Variants in YAP1 observed in about 807,000 individuals in gnomAD.
The protein encoded by YAP1 is transcriptional coactivator YAP1.
A neutral mutation model predicts 56.9 loss-of-function variants in YAP1; 5 were observed. That is an observed-to-expected ratio of 0.09 (90% CI 0.05 to 0.18). The LOEUF (loss-of-function observed/expected upper bound fraction) is 0.18. Ranked by LOEUF, YAP1 falls within the 10% of genes least tolerant of loss-of-function variation. YAP1 has a pLI of 1.00. For missense variants in YAP1, 539 were observed against 651.8 expected, an observed-to-expected ratio of 0.83 and a Z score of 1.88; for synonymous variants, 265 against 248.1, an observed-to-expected ratio of 1.07 and a Z score of -0.64.
At position 102,229,813 on chromosome 11, in the gene YAP1, T is replaced by C; in HGVS notation, c.1388T>C (p.Met463Thr). Residue 463 changes from methionine (M) to threonine (T), a missense_variant, in exon 9 of 9, where the codon ATG (methionine) becomes ACG (threonine). Physicochemically the swap from Met to Thr is moderately conservative, Grantham distance 81. This residue lies in a region of YAP1 where 414 missense variants were observed against 512.4 expected (regional missense o/e 0.81). Coordinates refer to ENST00000282441, the MANE Select transcript of YAP1 (RefSeq NM_001130145.3). ...VDLGTLEGDG[M>T]NIEGEELMPS... ...CTTGGAACACTGGAAGGAGATGGAA[T>C]GAACATAGAAGGAGAGGAGCTGATG... 1 of 1,614,132 alleles carries C rather than the reference T, an allele frequency of 6.2e-7. No homozygotes were observed. Among genetic ancestry groups the C allele is most frequent in the Non-Finnish European group, 8.5e-7 (1 of 1,180,010 alleles).
intron 2 of YAP1, among the ~76,000 whole-genome samples, chr11:102,137,515 C>G (rs1944743787): frequency 6.6e-6 from 1 of 152,068 alleles, no homozygotes; most frequent in Non-Finnish European, 1.5e-5. Context: ...TACAAGTCTT[C>G]CAATTTTGCT....
At chr11:102,136,948 G>C (rs1002740555) in intron 2 of YAP1, among the ~76,000 whole-genome samples, 11 of 152,134 alleles carry the variant, frequency 7.2e-5, no homozygotes, top group African/African-American at 2.7e-4. Context: ...TGTCTTGGCT[G>C]TTCTTTGTTG....
At chr11:102,140,526 C>T (rs529454137) in intron 2 of YAP1, among the ~76,000 whole-genome samples, 2 of 152,228 alleles carry the variant, frequency 1.3e-5, no homozygotes, top group Admixed American at 6.5e-5. Flanking sequence ...TAAAGGATGT[C>T]CCCCAGATTA....
intron 2 of YAP1, among the ~76,000 whole-genome samples, chr11:102,151,036 T>G (rs1399657459): frequency 1.3e-5 from 2 of 151,726 alleles, no homozygotes; most frequent in Non-Finnish European, 2.9e-5. Flanking sequence ...CCTGACCCCG[T>G]GGTTGCTGGT....
At position 102,110,754 on chromosome 11, in the gene YAP1, C is replaced by G; in HGVS notation, c.-95C>G. On this transcript the variant is annotated 5_prime_UTR_variant, in exon 1 of 9. Coordinates refer to ENST00000282441, the MANE Select transcript of YAP1 (RefSeq NM_001130145.3). ...ACAGCGCCGCCCGGCCCGCAGCCGT[C>G]GCCGCTTCTCCACCTCGGCCCGTGG... is the stretch of plus-strand genomic sequence containing the variant. 8.7e-7 allele frequency: 1 copy of G among 1,146,544 alleles called. No individual in the cohort carries two copies. The highest frequency in any genetic ancestry group is 3.7e-5 in the East Asian group (1 of 26,924). The allele number at this position is 1,146,544 out of a possible 1,614,324, so 71.0% of individuals were successfully genotyped here.
At chr11:102,146,572 G>T (rs1203995809) in intron 2 of YAP1, among the ~76,000 whole-genome samples, 1 of 152,108 alleles carries the variant, frequency 6.6e-6, no homozygotes, top group Non-Finnish European at 1.5e-5. Flanking sequence ...TCTTTTTCCT[G>T]TAGCTCGTAC....
At chr11:102,135,293 G>A (rs1227014690) in intron 2 of YAP1, among the ~76,000 whole-genome samples, 1 of 151,998 alleles carries the variant, frequency 6.6e-6, no homozygotes. Context: ...TAAAACTTAC[G>A]GCTTAAAACA....
At chr11:102,165,672 A>G (rs967700858) in intron 3 of YAP1, among the ~76,000 whole-genome samples, 3 of 152,166 alleles carry the variant, frequency 2.0e-5, no homozygotes, top group African/African-American at 7.2e-5. Flanking sequence ...TAGTATAATA[A>G]TAATTCTTAT....
chr11:102,124,048 T>G (rs1474442304), intron 2 of YAP1, among the ~76,000 whole-genome samples: 2 of 151,264 alleles, frequency 1.3e-5, no homozygotes, highest in Admixed American at 6.6e-5. Context: ...GGCTCCCGGG[T>G]TCAAGCGATT....
intron 2 of YAP1, among the ~76,000 whole-genome samples, chr11:102,135,908 A>T (rs993102263): frequency 1.3e-5 from 2 of 152,148 alleles, no homozygotes; most frequent in Non-Finnish European, 2.9e-5. Context: ...GTATATTTTC[A>T]TAGCTGTGTG....
chr11:102,138,790 C>T (rs1478440508), intron 2 of YAP1, among the ~76,000 whole-genome samples: 6 of 152,080 alleles, frequency 3.9e-5, no homozygotes, highest in African/African-American at 7.2e-5. Flanking sequence ...AAGTTATGTA[C>T]GTGTATGTGG....
intron 3 of YAP1, among the ~76,000 whole-genome samples, chr11:102,163,130 G>A (rs184357874): frequency 3.3e-5 from 5 of 151,950 alleles, no homozygotes; most frequent in East Asian, 1.9e-4. Flanking sequence ...ATTATTAAAC[G>A]CATCTTCACC....
chr11:102,209,980 T>C (rs1591428824), intron 6 of YAP1, among the ~76,000 whole-genome samples: 1 of 152,022 alleles, frequency 6.6e-6, no homozygotes, highest in Admixed American at 6.6e-5. Flanking sequence ...AATTTTAGAG[T>C]CATGATACTA....
At position 102,110,667 on chromosome 11, in the gene YAP1, G is replaced by A. The variant is rs1004673880; in HGVS notation, c.-182G>A. 2 of 381,770 alleles carry A rather than the reference G, an allele frequency of 5.2e-6. No individual in the cohort carries two copies. Among genetic ancestry groups the A allele is most frequent in the African/African-American group, 2.2e-5 (1 of 46,462 alleles). 23.6% of individuals were successfully genotyped at this position (381,770 alleles called of 1,614,324 possible). A position where few individuals can be genotyped will look rare whatever the true frequency, so the allele number is the denominator to read the frequency against. ...AGTGGAGCCGGGGCGCAGGGCGGGGGCGGAGGCGCCGGGGCGGGGGATGCG... is the reference window on the plus strand; with the variant it reads ...AGTGGAGCCGGGGCGCAGGGCGGGGACGGAGGCGCCGGGGCGGGGGATGCG... On this transcript the variant is annotated 5_prime_UTR_variant, in exon 1 of 9. Transcript: ENST00000282441.
chr11:102,211,885 A>G (rs968712118), intron 6 of YAP1, among the ~76,000 whole-genome samples: 1 of 152,090 alleles, frequency 6.6e-6, no homozygotes, highest in African/African-American at 2.4e-5. Flanking sequence ...TTGTGTTTTT[A>G]GTAGAGACGG....
At position 102,232,813 on chromosome 11, in the gene YAP1, T is replaced by A. The variant is rs1362598843; in HGVS notation, c.*2873T>A. The A allele has an allele frequency of 6.6e-6, 1 of 152,652 alleles. No homozygotes were observed. The highest frequency in any genetic ancestry group is 1.5e-5 in the Non-Finnish European group (1 of 68,042). The allele number at this position is 152,652 out of a possible 1,614,324, so 9.5% of individuals were successfully genotyped here. A position where few individuals can be genotyped will look rare whatever the true frequency, so the allele number is the denominator to read the frequency against. The stretch of plus-strand genomic sequence containing the variant: ...TCTACTTATGGTTGATGGAGCACAT[T>A]GATTTGGAGTTTCAGATCTTCCAAA... On this transcript the variant is annotated 3_prime_UTR_variant, in exon 9 of 9. Transcript: ENST00000282441.
chr11:102,137,526 G>T (rs1199001764), intron 2 of YAP1, among the ~76,000 whole-genome samples: 1 of 152,152 alleles, frequency 6.6e-6, no homozygotes, highest in Non-Finnish European at 1.5e-5. Flanking sequence ...CAATTTTGCT[G>T]TATGTGAAGA....
At chr11:102,159,167 C>G (rs1946124096) in intron 2 of YAP1, among the ~76,000 whole-genome samples, 10 of 152,112 alleles carry the variant, frequency 6.6e-5, no homozygotes, top group Admixed American at 6.6e-4. Flanking sequence ...CTAGTTCATT[C>G]TCTGTCTCTC....
At chr11:102,158,448 C>T (rs904355937) in intron 2 of YAP1, among the ~76,000 whole-genome samples, 2 of 152,186 alleles carry the variant, frequency 1.3e-5, no homozygotes, top group Non-Finnish European at 1.5e-5. Flanking sequence ...TCTCAAACTT[C>T]AACGAACATA....
Sources: allele counts gnomAD v4.1 joint callset (sites outside exome capture counted in the v4.1 genomes callset), GRCh38; gene constraint gnomAD v4.1.1; regional missense constraint gnomAD v4.1.1; transcripts MANE v1.5; gene names NCBI Gene and HGNC (gene_info 2026-07-23, HGNC 2026-07-21).